CSGALNACT1: variants seen among roughly 807,000 people sequenced by gnomAD.
CSGALNACT1 encodes the protein chondroitin sulfate N-acetylgalactosaminyltransferase 1.
CSGALNACT1 carries 52 observed loss-of-function variants against 51.0 expected under a neutral mutation model. The observed-to-expected ratio is 1.02, with a 90% CI of 0.82 to 1.29. CSGALNACT1 has a LOEUF of 1.29. Among genes scored for constraint, CSGALNACT1 ranks in the 50% most tolerant of loss-of-function variants. CSGALNACT1 has a pLI of 0.00. For missense variants in CSGALNACT1, 935 were observed against 679.2 expected (o/e 1.38, Z -4.19); for synonymous variants, 341 against 254.4 (o/e 1.34, Z -3.24).
At chr8:19,451,567 G>A (rs1249853741) in intron 5 of CSGALNACT1, among the ~76,000 whole-genome samples, 1 of 152,126 alleles carries the variant, frequency 6.6e-6, no homozygotes, top group Non-Finnish European at 1.5e-5. Flanking sequence ...ACAAAGACGT[G>A]GCCTTTGCCT....
intron 4 of CSGALNACT1, among the ~76,000 whole-genome samples, chr8:19,489,320 C>T (rs1275970557): frequency 6.6e-6 from 1 of 152,094 alleles, no homozygotes; most frequent in Admixed American, 6.5e-5. Flanking sequence ...GTTTATCAAC[C>T]ACCAATTATG....
chr8:19,587,359 T>C (rs989073834), intron 3 of CSGALNACT1, among the ~76,000 whole-genome samples: 1 of 152,206 alleles, frequency 6.6e-6, no homozygotes, highest in African/African-American at 2.4e-5. Flanking sequence ...TTTCCCCAAA[T>C]GCAGTGCTTC....
intron 3 of CSGALNACT1, among the ~76,000 whole-genome samples, chr8:19,528,021 C>A (rs896298695): frequency 6.6e-6 from 1 of 152,032 alleles, no homozygotes; most frequent in Admixed American, 6.6e-5. Flanking sequence ...ATCAAACAGC[C>A]AGGAAGAGGA....
intron 5 of CSGALNACT1, among the ~76,000 whole-genome samples, chr8:19,457,968 C>A (rs545106648): frequency 6.6e-6 from 1 of 152,292 alleles, no homozygotes; most frequent in African/African-American, 2.4e-5. Context: ...ACCACTAGAA[C>A]AGGACAGCAG....
intron 3 of CSGALNACT1, among the ~76,000 whole-genome samples, chr8:19,548,806 G>A (rs964525244): frequency 1.3e-5 from 2 of 152,056 alleles, no homozygotes; most frequent in Non-Finnish European, 2.9e-5. Context: ...TTTAGGTAAC[G>A]TTCTTCAACT....
At chr8:19,664,792 G>A (rs1214368506) in intron 1 of CSGALNACT1, among the ~76,000 whole-genome samples, 1 of 152,092 alleles carries the variant, frequency 6.6e-6, no homozygotes, top group African/African-American at 2.4e-5. Flanking sequence ...ATCAGACACA[G>A]GTCAAATACT....
chr8:19,481,120 G>A (rs1184791550), intron 4 of CSGALNACT1, among the ~76,000 whole-genome samples: 1 of 152,122 alleles, frequency 6.6e-6, no homozygotes, highest in Non-Finnish European at 1.5e-5. Flanking sequence ...GCTTTACAAT[G>A]ACCAGTTCTT....
intron 3 of CSGALNACT1, among the ~76,000 whole-genome samples, chr8:19,553,004 C>T (rs1037929761): frequency 6.6e-6 from 1 of 152,120 alleles, no homozygotes; most frequent in Non-Finnish European, 1.5e-5. Context: ...AAGCACATGA[C>T]GTCTGCCTCC....
At chr8:19,531,908 C>T (rs1173355198) in intron 3 of CSGALNACT1, 1 of 152,246 alleles carries the variant, frequency 6.6e-6, no homozygotes, top group Admixed American at 6.5e-5. Flanking sequence ...CTGGGTTTCT[C>T]CTGCCTGCCC....
intron 3 of CSGALNACT1, among the ~76,000 whole-genome samples, chr8:19,587,664 A>G (rs1317913483): frequency 6.6e-6 from 1 of 152,138 alleles, no homozygotes; most frequent in Non-Finnish European, 1.5e-5. Context: ...GCCCTTTATG[A>G]TATTATTCTA....
chr8:19,701,966 TC>T (rs1242519499), intron 1 of CSGALNACT1, among the ~76,000 whole-genome samples: 1 of 152,216 alleles, frequency 6.6e-6, no homozygotes, highest in African/African-American at 2.4e-5. Context: ...TTATATGCCA[TC>T]CCCAAATTGC....
At chr8:19,508,791 T>C (rs749252750) in intron 3 of CSGALNACT1, among the ~76,000 whole-genome samples, 1 of 152,242 alleles carries the variant, frequency 6.6e-6, no homozygotes, top group Non-Finnish European at 1.5e-5. Flanking sequence ...AATAAAATGG[T>C]TGTATTTGCA....
intron 1 of CSGALNACT1, among the ~76,000 whole-genome samples, chr8:19,731,993 C>T (rs2063720031): frequency 6.6e-6 from 1 of 152,200 alleles, no homozygotes; most frequent in Non-Finnish European, 1.5e-5. Flanking sequence ...GAGTTGATAG[C>T]ACGCAGAAAA....
intron 3 of CSGALNACT1, among the ~76,000 whole-genome samples, chr8:19,558,457 A>G (rs1034387004): frequency 6.6e-6 from 1 of 152,220 alleles, no homozygotes; most frequent in African/African-American, 2.4e-5. Flanking sequence ...AGAAAGTTAT[A>G]CTATTAGGGT....
At chr8:19,483,235 A>G (rs183035337) in intron 4 of CSGALNACT1, among the ~76,000 whole-genome samples, 186 of 152,316 alleles carry the variant, frequency 1.2e-3, no homozygotes, top group Admixed American at 1.8e-3. Flanking sequence ...AGACAAAGCA[A>G]TATTTCTAAA....
chr8:19,491,452 A>T lies in CSGALNACT1; in HGVS notation c.634+13749T>A, dbSNP rs186904662. 2.2e-3 allele frequency among the ~76,000 whole-genome samples: 335 copies of T among 152,370 alleles called. 3 individuals are homozygous for T. The highest frequency in any genetic ancestry group is 7.6e-3 in the African/African-American group (318 of 41,594). On this transcript the variant is annotated intron_variant, in intron 4 of 9. Coordinates refer to ENST00000454498, the Ensembl canonical transcript of CSGALNACT1. ...TACAAATTACTTTACAGAATGATAG[A>T]AACAGTTTATGCTCTTAATACTAAA...
intron 3 of CSGALNACT1, among the ~76,000 whole-genome samples, chr8:19,547,611 G>A (rs1001302686): frequency 5.9e-5 from 9 of 152,298 alleles, no homozygotes; most frequent in African/African-American, 1.9e-4. Flanking sequence ...CCAGCCATGT[G>A]GAACTGTGAG....
intron 4 of CSGALNACT1, among the ~76,000 whole-genome samples, chr8:19,459,164 T>A (rs991671463): frequency 6.6e-6 from 1 of 152,082 alleles, no homozygotes; most frequent in African/African-American, 2.4e-5. Context: ...GGTGGGCATA[T>A]CACCTGAGGT....
At chr8:19,623,658 A>C (rs1238412086) in intron 1 of CSGALNACT1, among the ~76,000 whole-genome samples, 1 of 152,242 alleles carries the variant, frequency 6.6e-6, no homozygotes, top group African/African-American at 2.4e-5. Flanking sequence ...ACCTCAGTAA[A>C]ATTGAGCCAG....
Sources: gnomAD v4.1 joint callset for allele counts (sites outside exome capture counted in the v4.1 genomes callset) on GRCh38, gnomAD v4.1.1 for gene constraint, MANE v1.5 for transcripts, NCBI Gene and HGNC (gene_info 2026-07-23, HGNC 2026-07-21) for gene names.